DOCK7: variants seen among roughly 807,000 people sequenced by gnomAD.
DOCK7 encodes dedicator of cytokinesis 7.
DOCK7 carries 138 observed loss-of-function variants against 271.0 expected under a neutral mutation model. That is an observed-to-expected ratio of 0.51 (90% CI 0.44 to 0.59). DOCK7 has a LOEUF of 0.59. Ranked by LOEUF, DOCK7 falls within the 20% of genes least tolerant of loss-of-function variation. The pLI is 0.00. For synonymous variants in DOCK7, 823 were observed against 876.1 expected (o/e 0.94, Z 1.07); for missense variants, 2,066 against 2,592.4 (o/e 0.80, Z 4.41).
At position 62,553,315 on chromosome 1, in the gene DOCK7, TATATA is replaced by T. The variant is rs1557705913; in HGVS notation, c.2597-419_2597-415del. 7.5e-3 allele frequency among the ~76,000 whole-genome samples: 393 copies of T among 52,054 alleles called. 16 individuals are homozygous for T. The highest frequency in any genetic ancestry group is 0.017 in the South Asian group (20 of 1,200). The allele number at this position is 52,054 out of a possible 152,430, so 34.1% of individuals were successfully genotyped here. The stretch of plus-strand genomic sequence containing the variant: ...GGTCTTCTAAATAAAAAGTATTTTA[TATATA>T]TATATATATATATATATATATATAT... On this transcript the variant is annotated intron_variant, in intron 21 of 49. Coordinates refer to ENST00000635253, the MANE Select transcript of DOCK7 (RefSeq NM_001367561.1).
At chr1:62,572,492 A>G (rs928399678) in intron 18 of DOCK7, among the ~76,000 whole-genome samples, 1 of 152,236 alleles carries the variant, frequency 6.6e-6, no homozygotes, top group East Asian at 1.9e-4. Context: ...ATAACAAAGT[A>G]CCATAAACAG....
intron 29 of DOCK7, among the ~76,000 whole-genome samples, chr1:62,533,955 A>G (rs1028030970): frequency 2.6e-5 from 4 of 151,952 alleles, no homozygotes; most frequent in Non-Finnish European, 5.9e-5. Flanking sequence ...TGGTCATACT[A>G]TTAAGATGGA....
At chr1:62,460,872 G>C (rs775991378) in intron 48 of DOCK7, 3 of 152,164 alleles carry the variant, frequency 2.0e-5, no homozygotes, top group African/African-American at 7.2e-5. Context: ...GCCCAGGCTG[G>C]TCTCAAACTT....
chr1:62,519,891 G>A (rs1434093429), intron 31 of DOCK7, among the ~76,000 whole-genome samples: 1 of 152,090 alleles, frequency 6.6e-6, no homozygotes, highest in East Asian at 1.9e-4. Context: ...GCAGGTACTG[G>A]TACCAAAACA....
chr1:62,587,364 C>T (rs932483953), intron 14 of DOCK7, among the ~76,000 whole-genome samples: 4 of 147,192 alleles, frequency 2.7e-5, no homozygotes, highest in African/African-American at 1.0e-4. Context: ...CGTTTAGAGC[C>T]AATGAACAAG....
At chr1:62,594,843 T>A (rs1648989726) in intron 14 of DOCK7, among the ~76,000 whole-genome samples, 1 of 152,108 alleles carries the variant, frequency 6.6e-6, no homozygotes, top group South Asian at 2.1e-4. Context: ...ATCTATATTC[T>A]CCCTCAACTA....
intron 13 of DOCK7, among the ~76,000 whole-genome samples, chr1:62,619,343 T>C (rs986155823): frequency 6.6e-6 from 1 of 152,224 alleles, no homozygotes. Context: ...TTCATCACAC[T>C]CACTTTAGTA....
chr1:62,656,115 T>C (rs980216563), intron 2 of DOCK7, among the ~76,000 whole-genome samples: 9 of 152,206 alleles, frequency 5.9e-5, no homozygotes, highest in Non-Finnish European at 1.2e-4. Context: ...TCTTTAACCA[T>C]TGTTATTAGA....
chr1:62,477,569 C>G, intron 44 of DOCK7, 131 bp downstream of exon 44: 1 of 912,836 alleles, frequency 1.1e-6, no homozygotes, highest in Non-Finnish European at 1.6e-6. Flanking sequence ...ATTAAAAGTC[C>G]TTATTCTCTA....
In DOCK7 at chr1:62,625,339, T is replaced by C; in HGVS notation, c.1345A>G (p.Arg449Gly). Residue 449 changes from arginine (R) to glycine (G), a missense_variant, in exon 12 of 50, where the codon AGG becomes GGG. Coordinates refer to ENST00000635253, the MANE Select transcript of DOCK7 (RefSeq NM_001367561.1). ...CAAGCATCATCTCCACTTGTTGTCC[T>C]TTCAAGTGATCGTCTGCCAACAATA... ...SSIVGRRSLE[R>G]TTSGDDACNL... The C allele has an allele frequency of 6.2e-7, 1 of 1,613,664 alleles. No individual in the cohort carries two copies. The highest frequency in any genetic ancestry group is 8.5e-7 in the Non-Finnish European group (1 of 1,179,714).
At chr1:62,637,779 T>C (rs1362704057) in intron 7 of DOCK7, among the ~76,000 whole-genome samples, 3 of 152,074 alleles carry the variant, frequency 2.0e-5, no homozygotes, top group Non-Finnish European at 4.4e-5. Context: ...TTACCAACCA[T>C]AGACCTAAAA....
chr1:62,577,858 A>G (rs554132235), intron 17 of DOCK7, among the ~76,000 whole-genome samples: 2 of 152,300 alleles, frequency 1.3e-5, no homozygotes, highest in Admixed American at 6.5e-5. Flanking sequence ...TTTTTCTGAC[A>G]GAACTGTGTT....
intron 37 of DOCK7, among the ~76,000 whole-genome samples, chr1:62,501,307 CAACTAAGACTACA>C (rs1382855448): frequency 3.3e-5 from 5 of 152,190 alleles, no homozygotes; most frequent in Non-Finnish European, 5.9e-5. Context: ...TTTCATTTTA[CAACTAAGACTACA>C]AACTAAGACT....
intron 41 of DOCK7, among the ~76,000 whole-genome samples, chr1:62,491,034 AACTT>A (rs1646451231): frequency 6.6e-6 from 1 of 152,212 alleles, no homozygotes; most frequent in Admixed American, 6.5e-5. Flanking sequence ...TAAATACATG[AACTT>A]ACTTAATTCT....
intron 1 of DOCK7, among the ~76,000 whole-genome samples, chr1:62,683,645 A>G (rs887298947): frequency 6.6e-6 from 1 of 152,212 alleles, no homozygotes; most frequent in African/African-American, 2.4e-5. Flanking sequence ...AATATAGTCA[A>G]ATAAAAAGAG....
At chr1:62,457,914 T>C in intron 48 of DOCK7, 2 of 475,952 alleles carry the variant, frequency 4.2e-6, no homozygotes, top group Non-Finnish European at 7.4e-6. Flanking sequence ...CTTTGGGAGG[T>C]CAAGGCAGGT....
At chr1:62,485,342 TCACACA>T in intron 43 of DOCK7, 9 of 952,596 alleles carry the variant, frequency 9.4e-6, no homozygotes, top group Non-Finnish European at 1.1e-5. Flanking sequence ...GAGTTATCTT[TCACACA>T]CACACACACA....
chr1:62,676,793 G>C (rs1426886863), intron 1 of DOCK7, among the ~76,000 whole-genome samples: 1 of 152,166 alleles, frequency 6.6e-6, no homozygotes, highest in Non-Finnish European at 1.5e-5. Flanking sequence ...ACCAGGAACA[G>C]CCCATGATGA....
rs1034991638 is a variant in DOCK7 at position 62,509,415 on chromosome 1, T to G, written c.4379+1162A>C. On this transcript the variant is annotated intron_variant, in intron 34 of 49. Coordinates refer to ENST00000635253, the MANE Select transcript of DOCK7 (RefSeq NM_001367561.1). ...TCCAGTGACATTTTATAAAGAAACATAAGATGGTTTAAACAAAAAGAATCA... is the reference window on the plus strand; with the variant it reads ...TCCAGTGACATTTTATAAAGAAACAGAAGATGGTTTAAACAAAAAGAATCA... Among the ~76,000 whole-genome samples, 12 of 149,158 alleles carry G rather than the reference T, an allele frequency of 8.0e-5. No homozygotes were observed. The East Asian group carries it at 2.4e-3, about 29-fold the overall frequency.
Sources: gnomAD v4.1 joint callset for allele counts (sites outside exome capture counted in the v4.1 genomes callset) on GRCh38, gnomAD v4.1.1 for gene constraint, MANE v1.5 for transcripts, NCBI Gene and HGNC (gene_info 2026-07-23, HGNC 2026-07-21) for gene names.